Variants in DOCK4 observed in about 807,000 individuals in gnomAD.
The protein encoded by DOCK4 is dedicator of cytokinesis 4, also known as dedicator of cytokinesis protein 4.
A neutral mutation model predicts 268.1 loss-of-function variants in DOCK4; 97 were observed. That is an observed-to-expected ratio of 0.36 (90% CI 0.31 to 0.43). The LOEUF (loss-of-function observed/expected upper bound fraction) is 0.43. Among genes scored for constraint, DOCK4 ranks in the 20% least tolerant of loss-of-function variants. DOCK4 has a pLI of 1.00. For synonymous variants in DOCK4, 954 were observed against 887.2 expected, an observed-to-expected ratio of 1.08 and a Z score of -1.34; for missense variants, 2,145 against 2,455.7, an observed-to-expected ratio of 0.87 and a Z score of 2.67.
rs144143201 is a variant in DOCK4, at chr7:112,060,473, T to C, written c.38-56342A>G. On this transcript the variant is annotated intron_variant, in intron 1 of 52. Transcript: ENST00000428084. ...ATCCAGCAATTCTATTCTGGGTATA[T>C]ACCAACAATAATTGAAAATCGGGTC... 7.1e-3 allele frequency among the ~76,000 whole-genome samples: 1,082 copies of C among 152,278 alleles called. 5 individuals carry two copies. The highest frequency in any genetic ancestry group is 0.013 in the Admixed American group (201 of 15,290).
intron 1 of DOCK4, among the ~76,000 whole-genome samples, chr7:112,083,566 T>C (rs1352533216): frequency 1.3e-5 from 2 of 151,818 alleles, no homozygotes; most frequent in African/African-American, 4.8e-5. Context: ...GTAAATAAAA[T>C]AAAATAAAAT....
intron 13 of DOCK4, among the ~76,000 whole-genome samples, chr7:111,903,786 A>G (rs1791341398): frequency 6.6e-6 from 1 of 152,232 alleles, no homozygotes; most frequent in Admixed American, 6.5e-5. Flanking sequence ...TAAAAAAAAC[A>G]ACACTCAAAT....
chr7:111,844,198 C>A (rs949800981), intron 25 of DOCK4, among the ~76,000 whole-genome samples: 3 of 152,124 alleles, frequency 2.0e-5, no homozygotes, highest in Admixed American at 2.0e-4. Context: ...ATTACTTGAA[C>A]CCGGGAGATG....
rs1363927703 is a variant in DOCK4, at chr7:111,801,106, C to T, written c.3166+7715G>A. Among the ~76,000 whole-genome samples the T allele has an allele frequency of 2.0e-5, 3 of 152,202 alleles. No individual in the cohort carries two copies. The East Asian group carries it at 5.8e-4, about 29-fold the overall frequency. On this transcript the variant is annotated intron_variant, in intron 30 of 52. Transcript: ENST00000428084. ...TGGGCAATATGGCGATTCCTACCACCTGTGCCAAGTGTCATGGCCACCTCC... is the reference window on the plus strand; with the variant it reads ...TGGGCAATATGGCGATTCCTACCACTTGTGCCAAGTGTCATGGCCACCTCC...
intron 13 of DOCK4, among the ~76,000 whole-genome samples, chr7:111,908,245 G>A (rs56280644): frequency 7.9e-5 from 12 of 151,916 alleles, no homozygotes; most frequent in Admixed American, 2.6e-4. Flanking sequence ...TCAGGAGATC[G>A]AGACTATCTT....
At chr7:111,739,796 G>A (rs1214643342) in intron 47 of DOCK4, 1 of 374,438 alleles carries the variant, frequency 2.7e-6, no homozygotes, top group African/African-American at 2.1e-5. Flanking sequence ...ACAGGCGAGT[G>A]CGTCTAAAAG....
intron 35 of DOCK4, among the ~76,000 whole-genome samples, chr7:111,779,401 T>C (rs1014381405): frequency 2.0e-5 from 3 of 152,208 alleles, no homozygotes; most frequent in Non-Finnish European, 4.4e-5. Context: ...CAAATTATGT[T>C]GGCTATTTTA....
chr7:111,865,217 G>T (rs1805874201), intron 22 of DOCK4, among the ~76,000 whole-genome samples: 1 of 152,198 alleles, frequency 6.6e-6, no homozygotes, highest in South Asian at 2.1e-4. Context: ...GAAATAGAAA[G>T]CTAAGAACCA....
chr7:111,892,639 C>G, intron 16 of DOCK4, among the ~76,000 whole-genome samples: 1 of 152,182 alleles, frequency 6.6e-6, no homozygotes, highest in Non-Finnish European at 1.5e-5. Context: ...ACTTTTAGCT[C>G]ATAATTTGAA....
At chr7:112,164,384 A>G (rs760484265) in intron 1 of DOCK4, among the ~76,000 whole-genome samples, 2 of 152,230 alleles carry the variant, frequency 1.3e-5, no homozygotes, top group Non-Finnish European at 2.9e-5. Context: ...AAATATATAC[A>G]TATATAACTG....
intron 16 of DOCK4, among the ~76,000 whole-genome samples, chr7:111,893,240 C>A (rs1808437071): frequency 1.3e-5 from 2 of 152,158 alleles, no homozygotes; most frequent in African/African-American, 4.8e-5. Context: ...GAAGCGAGCT[C>A]TGCTACCTGT....
intron 1 of DOCK4, among the ~76,000 whole-genome samples, chr7:112,169,394 T>G (rs1817881984): frequency 6.6e-6 from 1 of 152,160 alleles, no homozygotes; most frequent in African/African-American, 2.4e-5. Context: ...GCAATACAGC[T>G]TGAAAAATGA....
At chr7:111,765,331 G>T in intron 38 of DOCK4, 109 bp from the exon 39 acceptor site, 1 of 714,896 alleles carries the variant, frequency 1.4e-6, no homozygotes, top group Non-Finnish European at 2.3e-6. Flanking sequence ...TTTTAATTGA[G>T]TTTGCTGGAA....
In DOCK4 at chr7:111,728,632, C is replaced by A; in HGVS notation, c.5570G>T (p.Ser1857Ile). The change falls in exon 53 of 53, where the codon AGC (serine) becomes ATC (isoleucine). Residue 1857 changes from serine to isoleucine, a missense_variant. By Grantham distance (142) the Ser-to-Ile change is moderately radical. This residue lies in a region of DOCK4 where 547 missense variants were observed against 469.0 expected (regional missense o/e 1.17). Coordinates refer to ENST00000428084, the MANE Select transcript of DOCK4 (RefSeq NM_001363540.2). ...SNSPVLSGSY[S>I]SGISSLSRCS... ...CCGGCTGAGAGAAGAAATCCCACTGCTGTAGCTGCCCGACAAGACAGGGGA... is the reference window on the plus strand; with the variant it reads ...CCGGCTGAGAGAAGAAATCCCACTGATGTAGCTGCCCGACAAGACAGGGGA... The A allele has an allele frequency of 6.2e-7, 1 of 1,614,018 alleles. No individual in the cohort carries two copies. The highest frequency in any genetic ancestry group is 1.1e-5 in the South Asian group (1 of 91,088).
chr7:111,728,211 C>G lies in DOCK4; in HGVS notation c.*63G>C. ...TTAAAGTGCCTACACTAAATGTCTT[C>G]TCATCATACTTCTTATTTTGTAAAC... On this transcript the variant is annotated 3_prime_UTR_variant, in exon 53 of 53. Coordinates refer to ENST00000428084, the MANE Select transcript of DOCK4 (RefSeq NM_001363540.2). 1.5e-6 allele frequency: 2 copies of G among 1,299,518 alleles called. No individual in the cohort carries two copies. Among genetic ancestry groups the G allele is most frequent in the African/African-American group, 1.5e-5 (1 of 67,064 alleles). 80.5% of individuals were successfully genotyped at this position (1,299,518 alleles called of 1,614,324 possible).
intron 1 of DOCK4, among the ~76,000 whole-genome samples, chr7:112,108,124 C>T (rs182549869): frequency 6.6e-5 from 10 of 152,166 alleles, no homozygotes; most frequent in Non-Finnish European, 1.3e-4. Flanking sequence ...TTATAAGAGC[C>T]TAAGATTAGT....
intron 1 of DOCK4, among the ~76,000 whole-genome samples, chr7:112,040,154 T>C (rs1471874361): frequency 6.6e-6 from 1 of 152,108 alleles, no homozygotes; most frequent in African/African-American, 2.4e-5. Flanking sequence ...CAAAAAGCAA[T>C]TGAATGGAAA....
intron 25 of DOCK4, among the ~76,000 whole-genome samples, chr7:111,840,506 A>C (rs1409891707): frequency 1.3e-5 from 2 of 152,188 alleles, no homozygotes; most frequent in Non-Finnish European, 2.9e-5. Flanking sequence ...TTTTGAAAGG[A>C]ACTGATCACA....
intron 1 of DOCK4, among the ~76,000 whole-genome samples, chr7:112,157,368 G>A (rs917671319): frequency 1.3e-4 from 19 of 151,892 alleles, no homozygotes; most frequent in African/African-American, 4.4e-4. Context: ...GTACACTGCC[G>A]GCCAGATTCT....
Sources: allele counts gnomAD v4.1 joint callset (sites outside exome capture counted in the v4.1 genomes callset), GRCh38; gene constraint gnomAD v4.1.1; regional missense constraint gnomAD v4.1.1; transcripts MANE v1.5; gene names NCBI Gene and HGNC (gene_info 2026-07-23, HGNC 2026-07-21).